Variants in DENND2B observed in about 807,000 individuals in gnomAD.
The protein encoded by DENND2B is DENN domain containing 2B.
A neutral mutation model predicts 116.0 loss-of-function variants in DENND2B; 32 were observed. The observed-to-expected ratio is 0.28, with a 90% confidence interval of 0.21 to 0.37. The LOEUF (loss-of-function observed/expected upper bound fraction) is 0.37. DENND2B is among the 10% of genes least tolerant of loss of function. The pLI is 1.00. For missense variants in DENND2B, 1,276 were observed against 1,477.7 expected (o/e 0.86, Z 2.24); for synonymous variants, 588 against 583.9 (o/e 1.01, Z -0.10).
At chr11:8,709,918 T>G (rs2043293816) in intron 11 of DENND2B, among the ~76,000 whole-genome samples, 1 of 152,172 alleles carries the variant, frequency 6.6e-6, no homozygotes, top group Non-Finnish European at 1.5e-5. Context: ...CATCTAAAGT[T>G]CCTCGAGAGG....
At chr11:8,898,238 A>G in intron 1 of DENND2B, among the ~76,000 whole-genome samples, 1 of 152,204 alleles carries the variant, frequency 6.6e-6, no homozygotes, top group East Asian at 1.9e-4. Context: ...ATTTAAAAAT[A>G]AAACCAAATT....
In DENND2B at chr11:8,900,249, C is replaced by T. The variant is rs188136326; in HGVS notation, c.-256+10572G>A. On this transcript the variant is annotated intron_variant, in intron 1 of 22. Coordinates refer to the DENND2B transcript ENST00000534127. The stretch of plus-strand genomic sequence containing the variant: ...GACTGTCCTGGCTAACACGGTGAAA[C>T]CCCGTCTCTACTAAAAATACAAAAA... Among the ~76,000 whole-genome samples the T allele has an allele frequency of 5.8e-3, 873 of 150,522 alleles. 3 individuals carry two copies. The highest frequency in any genetic ancestry group is 7.4e-3 in the Non-Finnish European group (498 of 67,548).
chr11:8,760,638 G>C (rs1446211889), intron 1 of DENND2B, among the ~76,000 whole-genome samples: 1 of 152,034 alleles, frequency 6.6e-6, no homozygotes, highest in East Asian at 1.9e-4. Flanking sequence ...GAGAAGAGAA[G>C]AGAAAAGAAA....
intron 1 of DENND2B, among the ~76,000 whole-genome samples, chr11:8,898,769 A>T (rs1390044686): frequency 6.6e-6 from 1 of 152,248 alleles, no homozygotes; most frequent in Non-Finnish European, 1.5e-5. Context: ...TTATAGAAAT[A>T]AATTGTTGAC....
At chr11:8,824,846 C>T (rs560834024) in intron 4 of DENND2B, among the ~76,000 whole-genome samples, 3 of 133,274 alleles carry the variant, frequency 2.3e-5, no homozygotes, top group African/African-American at 8.1e-5. Context: ...CACCTCCACA[C>T]CCAGCTATTT....
At chr11:8,745,293 G>C (rs552458697) in intron 2 of DENND2B, among the ~76,000 whole-genome samples, 23 of 152,210 alleles carry the variant, frequency 1.5e-4, no homozygotes, top group African/African-American at 5.1e-4. Flanking sequence ...GGGCTCAAGC[G>C]ATCTGCCTGC....
chr11:8,720,717 C>G (rs1260823686), intron 4 of DENND2B, among the ~76,000 whole-genome samples: 1 of 152,208 alleles, frequency 6.6e-6, no homozygotes, highest in Non-Finnish European at 1.5e-5. Context: ...TTCTCCCAGT[C>G]ATCTCTCCAG....
chr11:8,702,452 C>T lies in DENND2B; in HGVS notation c.2720+120G>A, dbSNP rs1238082608. ...TTCCACCTAGTCTTCCATCTCCCTA[C>T]GCACAGCCCCACTCCAGCACTGGTC... On this transcript the variant is annotated intron_variant, in intron 14 of 19. Coordinates refer to ENST00000313726, the MANE Select transcript of DENND2B (RefSeq NM_213618.2). The surrounding 1 kb of genome is among the most constrained non-coding windows in gnomAD (Gnocchi z 4.6). 20 of 1,418,542 alleles carry T rather than the reference C, an allele frequency of 1.4e-5. No homozygotes were observed. The highest frequency in any genetic ancestry group is 1.2e-4 in the East Asian group (5 of 40,548). 87.9% of individuals were successfully genotyped at this position (1,418,542 alleles called of 1,614,324 possible). A position where few individuals can be genotyped will look rare whatever the true frequency, so the allele number is the denominator to read the frequency against.
At chr11:8,772,872 C>CAA (rs1253921575) in intron 1 of DENND2B, among the ~76,000 whole-genome samples, 117 of 152,248 alleles carry the variant, frequency 7.7e-4, no homozygotes, top group African/African-American at 2.6e-3. Flanking sequence ...CTTGGGTATG[C>CAA]TTACAGCGCA....
intron 1 of DENND2B, among the ~76,000 whole-genome samples, chr11:8,772,186 C>T (rs1193061475): frequency 2.0e-5 from 3 of 151,532 alleles, no homozygotes; most frequent in African/African-American, 4.8e-5. Context: ...TGCATCTCTT[C>T]CATTTGGCTG....
At chr11:8,764,154 A>T (rs2055183844) in intron 1 of DENND2B, among the ~76,000 whole-genome samples, 1 of 152,092 alleles carries the variant, frequency 6.6e-6, no homozygotes, top group African/African-American at 2.4e-5. Flanking sequence ...CGGGAGGCGG[A>T]GGTTGCAGTG....
intron 1 of DENND2B, among the ~76,000 whole-genome samples, chr11:8,781,102 A>G (rs10219217): frequency 0.96 from 146,300 of 152,302 alleles, 70,538 homozygotes; most frequent in East Asian, 1. Flanking sequence ...GAAGAGGAAT[A>G]AAGACGAAGT....
At chr11:8,802,495 G>A (rs769617661) in intron 1 of DENND2B, among the ~76,000 whole-genome samples, 2 of 152,134 alleles carry the variant, frequency 1.3e-5, no homozygotes, top group East Asian at 1.9e-4. Flanking sequence ...ACCAGGGCAC[G>A]GACAAGTAAC....
chr11:8,795,262 C>T (rs1442192770), intron 1 of DENND2B, among the ~76,000 whole-genome samples: 1 of 152,154 alleles, frequency 6.6e-6, no homozygotes, highest in Non-Finnish European at 1.5e-5. Flanking sequence ...CACCTAAGAA[C>T]ATCTAAAGTA....
At chr11:8,884,177 C>T (rs1011363773) in intron 1 of DENND2B, among the ~76,000 whole-genome samples, 6 of 151,930 alleles carry the variant, frequency 3.9e-5, no homozygotes, top group African/African-American at 1.2e-4. Flanking sequence ...CTCTAATTCA[C>T]GATTCAACCA....
chr11:8,768,254 T>G (rs1030056053), intron 1 of DENND2B, among the ~76,000 whole-genome samples: 1 of 152,090 alleles, frequency 6.6e-6, no homozygotes, highest in Non-Finnish European at 1.5e-5. Flanking sequence ...TTTATTTATT[T>G]ATTTATTATT....
intron 1 of DENND2B, among the ~76,000 whole-genome samples, chr11:8,896,225 C>CA (rs919041494): frequency 6.6e-6 from 1 of 151,880 alleles, no homozygotes; most frequent in Non-Finnish European, 1.5e-5. Flanking sequence ...ATTCCAGTAT[C>CA]AATGCACAGA....
intron 4 of DENND2B, among the ~76,000 whole-genome samples, chr11:8,819,686 T>C (rs934560463): frequency 6.6e-6 from 1 of 152,202 alleles, no homozygotes; most frequent in Non-Finnish European, 1.5e-5. Flanking sequence ...ACCTAAGGGA[T>C]ATTCTACAAA....
At chr11:8,762,627 G>A (rs1336708018) in intron 1 of DENND2B, among the ~76,000 whole-genome samples, 6 of 152,130 alleles carry the variant, frequency 3.9e-5, no homozygotes, top group South Asian at 4.1e-4. Flanking sequence ...TTGGGAGGCC[G>A]AGGCAGGTGG....
Sources: gnomAD v4.1 joint callset for allele counts (sites outside exome capture counted in the v4.1 genomes callset) on GRCh38, gnomAD v4.1.1 for gene constraint, Gnocchi (gnomAD v3.1) non-coding constraint, MANE v1.5 for transcripts, NCBI Gene and HGNC (gene_info 2026-07-23, HGNC 2026-07-21) for gene names.